PLPP2: variants seen among roughly 807,000 people sequenced by gnomAD.
The protein encoded by PLPP2 is phospholipid phosphatase 2.
Under a neutral mutation model 35.2 loss-of-function variants are expected in PLPP2, and 29 were observed. That is an observed-to-expected ratio of 0.82 (90% confidence interval 0.61 to 1.12). The LOEUF (loss-of-function observed/expected upper bound fraction) is 1.12, where lower values mean the gene tolerates loss of function less well. PLPP2 is among the 50% of genes most tolerant of loss of function. The probability of loss-of-function intolerance (pLI) is 0.00; values close to 1 mark genes in which losing one functional copy is unlikely to be tolerated. For synonymous variants in PLPP2, 162 were observed against 167.0 expected (o/e 0.97, Z 0.23); for missense variants, 353 against 375.2 (o/e 0.94, Z 0.49).
rs779640479 is a variant in PLPP2, at chr19:282,204, GAC to G, written c.645_646del (p.Ser216Ter). The G allele has an allele frequency of 6.2e-7, 1 of 1,613,872 alleles. No homozygotes were observed. The highest frequency in any genetic ancestry group is 1.7e-5 in the Admixed American group (1 of 59,998). On this transcript the variant is annotated frameshift_variant, in exon 5 of 6. Coordinates refer to ENST00000434325, the MANE Select transcript of PLPP2 (RefSeq NM_003712.4). LOFTEE classifies it high-confidence loss of function. ...ATCGCTCCAGTGGTGTTTGTAATCAGACACGCGGGTGTAGCCCACGTAGAGGG... is the reference window on the plus strand; with the variant it reads ...ATCGCTCCAGTGGTGTTTGTAATCAGACGCGGGTGTAGCCCACGTAGAGGG...
Position 281,401 on chromosome 19 carries a change from T to C in PLPP2, c.854A>G (p.His285Arg). Residue 285 changes from histidine (H) to arginine (R), a missense_variant, in exon 6 of 6, where the codon CAC becomes CGC. Transcript: ENST00000434325. The part of the protein sequence containing the change: ...EADHNHYGYP[H>R]SSS ...CGGGGTCCGGCCTCAGGAGGAGGAG[T>C]GCGGGTATCCATAGTGGTTGTGGTC... The C allele has an allele frequency of 1.4e-6, 2 of 1,428,180 alleles. No individual in the cohort carries two copies. The highest frequency in any genetic ancestry group is 1.8e-6 in the Non-Finnish European group (2 of 1,083,826). The allele number at this position is 1,428,180 out of a possible 1,614,324, so 88.5% of individuals were successfully genotyped here. A position where few individuals can be genotyped will look rare whatever the true frequency, so the allele number is the denominator to read the frequency against.
intron 3 of PLPP2, chr19:286,475 C>A (rs1291259277): frequency 6.6e-6 from 1 of 151,244 alleles, no homozygotes; most frequent in African/African-American, 2.4e-5. Context: ...AACAAACAAA[C>A]AAAAAAAGAC....
chr19:289,524 G>A (rs567734880), intron 1 of PLPP2, among the ~76,000 whole-genome samples: 4 of 152,044 alleles, frequency 2.6e-5, no homozygotes, highest in South Asian at 2.1e-4. Flanking sequence ...GACCATCCTG[G>A]CTAACACGGT....
In PLPP2 at chr19:289,397, G is replaced by A. The variant is rs143056910; in HGVS notation, c.53-1226C>T. Among the ~76,000 whole-genome samples, 744 of 152,314 alleles carry A rather than the reference G, an allele frequency of 4.9e-3. 5 individuals carry two copies. Among genetic ancestry groups the A allele is most frequent in the African/African-American group, 0.016 (681 of 41,568 alleles). ...GAAATAATCTGGTGAAGAAAACAGAGGCCTGCCTCACCGAGCAAGAAAGGT... is the reference window on the plus strand; with the variant it reads ...GAAATAATCTGGTGAAGAAAACAGAAGCCTGCCTCACCGAGCAAGAAAGGT... On this transcript the variant is annotated intron_variant, in intron 1 of 5. Transcript: ENST00000434325.
Position 287,592 on chromosome 19 carries a change from G to A in PLPP2, c.364C>T (p.Arg122Cys). Reference sequence around the variant, plus strand: ...ACGGCTAGGAAGTTGGGCCTCAGACGCCCAATCATGTACTTGGCCAGGTCT... The same window carrying A: ...ACGGCTAGGAAGTTGGGCCTCAGACACCCAATCATGTACTTGGCCAGGTCT... ...LTDLAKYMIG[R>C]LRPNFLAVCD... The change falls in exon 3 of 6, where the codon CGT (arginine) becomes TGT (cysteine). Residue 122 changes from arginine to cysteine, a missense_variant. Coordinates refer to ENST00000434325, the MANE Select transcript of PLPP2 (RefSeq NM_003712.4). This position sits in a 1 kb window ranked among gnomAD's most constrained non-coding sequence, Gnocchi z 4.3. The A allele has an allele frequency of 1.9e-6, 3 of 1,613,858 alleles. No homozygotes were observed. The highest frequency in any genetic ancestry group is 1.6e-4 in the Middle Eastern group (1 of 6,062).
Position 287,269 on chromosome 19 carries a change from ATACT to A in PLPP2, c.482+201_482+204del. ...ATGTACTAAACAACAGAACCCCAAAATACTTAAAGCAAAAACTGACAGAATGTTA... is the reference window on the plus strand; with the variant it reads ...ATGTACTAAACAACAGAACCCCAAAATAAAGCAAAAACTGACAGAATGTTA... On this transcript the variant is annotated intron_variant, in intron 3 of 5. Coordinates refer to ENST00000434325, the MANE Select transcript of PLPP2 (RefSeq NM_003712.4). This position sits in a 1 kb window ranked among gnomAD's most constrained non-coding sequence, Gnocchi z 4.3. 1 of 628,970 alleles carries A rather than the reference ATACT, an allele frequency of 1.6e-6. No individual in the cohort carries two copies. The highest frequency in any genetic ancestry group is 2.2e-5 in the South Asian group (1 of 45,286). The allele number at this position is 628,970 out of a possible 1,614,324, so 39.0% of individuals were successfully genotyped here.
intron 1 of PLPP2, 139 bp downstream of exon 1, chr19:291,146 C>T (rs1053777521): frequency 1.2e-5 from 17 of 1,447,872 alleles, no homozygotes; most frequent in Non-Finnish European, 1.5e-5. Context: ...GTCTGGTCCT[C>T]ACGCGAGGTC....
chr19:287,801 C>A lies in PLPP2; in HGVS notation c.205-50G>T. On this transcript the variant is annotated intron_variant, in intron 2 of 5. Coordinates refer to ENST00000434325, the MANE Select transcript of PLPP2 (RefSeq NM_003712.4). The surrounding 1 kb of genome is among the most constrained non-coding windows in gnomAD (Gnocchi z 4.3). The stretch of plus-strand genomic sequence containing the variant: ...GTGGGGGTCTCGGTCGGCCCAGGGG[C>A]CCTCACTCCTCCGCACGGGCCTCCC... 1 of 1,603,718 alleles carries A rather than the reference C, an allele frequency of 6.2e-7. No individual in the cohort carries two copies. The highest frequency in any genetic ancestry group is 8.5e-7 in the Non-Finnish European group (1 of 1,173,968).
At chr19:284,804 A>G (rs1257842768) in intron 3 of PLPP2, 2 of 152,220 alleles carry the variant, frequency 1.3e-5, no homozygotes, top group Admixed American at 6.5e-5. Flanking sequence ...AGCAGAAGAA[A>G]AAAGACAATG....
chr19:287,914 A>C lies in PLPP2; in HGVS notation c.204+106T>G. 2.6e-6 allele frequency: 4 copies of C among 1,525,816 alleles called. No homozygotes were observed. 94.5% of individuals were successfully genotyped at this position (1,525,816 alleles called of 1,614,324 possible). On this transcript the variant is annotated intron_variant, in intron 2 of 5. Coordinates refer to ENST00000434325, the MANE Select transcript of PLPP2 (RefSeq NM_003712.4). The surrounding 1 kb of genome is among the most constrained non-coding windows in gnomAD (Gnocchi z 4.3). ...GCAAGGCTGTGTCCCCCGGCCCCACACAGACCTCCAGGGCAGGGCTGTGCC... is the reference window on the plus strand; with the variant it reads ...GCAAGGCTGTGTCCCCCGGCCCCACCCAGACCTCCAGGGCAGGGCTGTGCC...
intron 1 of PLPP2, chr19:290,895 G>C: frequency 8.3e-7 from 1 of 1,200,134 alleles, no homozygotes. Flanking sequence ...CGGAGGCGCG[G>C]ACGTCCTGCC....
chr19:288,158 G>T lies in PLPP2; in HGVS notation c.66C>A (p.Phe22Leu), dbSNP rs753773266. Residue 22 changes from phenylalanine to leucine, a missense_variant, in exon 2 of 6, where the codon TTC becomes TTA. Transcript: ENST00000434325. ...GGGCGTTCACCAGCGTCAGGATAGC[G>T]AAGGGCAGGGAGGCTGGTGGGGAAG... The part of the protein sequence containing the change: ...VLCLLVASLP[F>L]AILTLVNAPY... 4 of 1,584,490 alleles carry T rather than the reference G, an allele frequency of 2.5e-6. No homozygotes were observed. Among genetic ancestry groups the T allele is most frequent in the Non-Finnish European group, 2.6e-6 (3 of 1,161,086 alleles).
chr19:281,763 G>A (rs1364490920), intron 5 of PLPP2, among the ~76,000 whole-genome samples: 2 of 149,502 alleles, frequency 1.3e-5, no homozygotes, highest in East Asian at 2.0e-4. Context: ...AGGGCCAGGG[G>A]TCCAGAGAAG....
At chr19:282,944 C>T in intron 3 of PLPP2, 135 bp from the exon 4 acceptor site, 1 of 736,802 alleles carries the variant, frequency 1.4e-6, no homozygotes, top group Non-Finnish European at 2.3e-6. Flanking sequence ...GTAGCAGAAA[C>T]TGTTCCCCTT....
intron 1 of PLPP2, 128 bp downstream of exon 1, chr19:291,157 C>G: frequency 6.8e-7 from 1 of 1,480,792 alleles, no homozygotes; most frequent in Non-Finnish European, 9.0e-7. Context: ...ACGCGAGGTC[C>G]CCGCCTCCAG....
chr19:290,577 A>C (rs1408081144), intron 1 of PLPP2, among the ~76,000 whole-genome samples: 1 of 152,190 alleles, frequency 6.6e-6, no homozygotes, highest in Non-Finnish European at 1.5e-5. Flanking sequence ...TTGTCTGTGC[A>C]GCCACAGAGC....
Position 288,015 on chromosome 19 carries a change from C to T in PLPP2, c.204+5G>A, listed in dbSNP as rs758378982. On this transcript the variant is annotated splice_donor_5th_base_variant and intron_variant, in intron 2 of 5. Transcript: ENST00000434325. ...CCCAGTCCCTCTGAGCCCCTCCTGC[C>T]TTACAAGGATGACGGTGGCCGTGAT... 20 of 1,613,598 alleles carry T rather than the reference C, an allele frequency of 1.2e-5. No homozygotes were observed. Among genetic ancestry groups the T allele is most frequent in the Non-Finnish European group, 1.7e-5 (20 of 1,179,918 alleles).
rs529285131 is a variant in PLPP2, at chr19:287,814, G to T, written c.205-63C>A. ...TCGGCCCAGGGGCCCTCACTCCTCC[G>T]CACGGGCCTCCCCAAGGCTGCTGGA... On this transcript the variant is annotated intron_variant, in intron 2 of 5. Transcript: ENST00000434325. The surrounding 1 kb of genome is among the most constrained non-coding windows in gnomAD (Gnocchi z 4.3). The T allele has an allele frequency of 1.4e-5, 22 of 1,586,482 alleles. No individual in the cohort carries two copies. The highest frequency in any genetic ancestry group is 1.8e-5 in the Non-Finnish European group (21 of 1,164,744).
chr19:287,859 G>T lies in PLPP2; in HGVS notation c.205-108C>A. The T allele has an allele frequency of 6.6e-7, 1 of 1,521,990 alleles. No individual in the cohort carries two copies. The highest frequency in any genetic ancestry group is 8.9e-7 in the Non-Finnish European group (1 of 1,127,936). The allele number at this position is 1,521,990 out of a possible 1,614,324, so 94.3% of individuals were successfully genotyped here. ...GCTGGAGAGCTGGGGACTCTGAAGGGGGCCCTATTACCCACAGGTACCACT... is the reference window on the plus strand; with the variant it reads ...GCTGGAGAGCTGGGGACTCTGAAGGTGGCCCTATTACCCACAGGTACCACT... On this transcript the variant is annotated intron_variant, in intron 2 of 5. Transcript: ENST00000434325. The surrounding 1 kb of genome is among the most constrained non-coding windows in gnomAD (Gnocchi z 4.3).
Sources: allele counts gnomAD v4.1 joint callset (sites outside exome capture counted in the v4.1 genomes callset), GRCh38; gene constraint gnomAD v4.1.1; non-coding constraint Gnocchi (gnomAD v3.1); transcripts MANE v1.5; gene names NCBI Gene and HGNC (gene_info 2026-07-23, HGNC 2026-07-21).